The following RAB3C variants were observed in gnomAD, a reference collection of about 807,000 sequenced individuals.
RAB3C encodes the protein RAB3C, member RAS oncogene family, also known as ras-related protein Rab-3C.
A neutral mutation model predicts 26.4 loss-of-function variants in RAB3C; 17 were observed. The ratio of observed to expected loss-of-function variants is 0.64; its 90% CI spans 0.44 to 0.97. The LOEUF (loss-of-function observed/expected upper bound fraction) is 0.97, where lower values mean the gene tolerates loss of function less well. Ranked by LOEUF, RAB3C falls within the 50% of genes least tolerant of loss-of-function variation. The pLI is 0.00. For missense variants in RAB3C, 242 were observed against 281.9 expected, an observed-to-expected ratio of 0.86 and a Z score of 1.01; for synonymous variants, 91 against 95.9, an observed-to-expected ratio of 0.95 and a Z score of 0.30.
intron 1 of RAB3C, among the ~76,000 whole-genome samples, chr5:58,596,738 A>G (rs1746276021): frequency 4.0e-5 from 3 of 74,452 alleles, no homozygotes; most frequent in African/African-American, 5.6e-5. Flanking sequence ...CATAATATAT[A>G]AATATATAAT....
At chr5:58,756,397 T>C (rs1365020831) in intron 3 of RAB3C, among the ~76,000 whole-genome samples, 1 of 144,802 alleles carries the variant, frequency 6.9e-6, no homozygotes, top group African/African-American at 2.5e-5. Flanking sequence ...CATATATATA[T>C]ATATATATGT....
chr5:58,700,800 C>G lies in RAB3C; in HGVS notation c.253-25202C>G, dbSNP rs374430600. On this transcript the variant is annotated intron_variant, in intron 2 of 4. Transcript: ENST00000282878. ...GTTGGCTAGGAAATCGACTCGAGGT[C>G]TTGAACCATTTCACAATCATGCTAC... Among the ~76,000 whole-genome samples, 11 of 152,136 alleles carry G rather than the reference C, an allele frequency of 7.2e-5. No homozygotes were observed. In the South Asian group the frequency reaches 1.9e-3, roughly 26 times the overall value.
At chr5:58,827,195 A>G (rs1743502486) in intron 4 of RAB3C, among the ~76,000 whole-genome samples, 1 of 152,206 alleles carries the variant, frequency 6.6e-6, no homozygotes, top group Admixed American at 6.5e-5. Flanking sequence ...GGGAAATAAT[A>G]GATCCCCAAA....
chr5:58,827,434 G>A (rs914832122), intron 4 of RAB3C, among the ~76,000 whole-genome samples: 4 of 152,162 alleles, frequency 2.6e-5, no homozygotes, highest in Non-Finnish European at 2.9e-5. Context: ...ATACATAGGA[G>A]GCAGGCAACT....
intron 3 of RAB3C, among the ~76,000 whole-genome samples, chr5:58,807,210 A>C (rs1742961881): frequency 6.6e-6 from 1 of 152,212 alleles, no homozygotes; most frequent in African/African-American, 2.4e-5. Context: ...GCAGCATATC[A>C]GACAAAAAAA....
At chr5:58,634,825 G>A (rs2111755536) in intron 2 of RAB3C, among the ~76,000 whole-genome samples, 1 of 152,234 alleles carries the variant, frequency 6.6e-6, no homozygotes, top group South Asian at 2.1e-4. Flanking sequence ...CAAGTCAGTG[G>A]GGGAGAAAAG....
chr5:58,629,305 ATG>A (rs1195455364), intron 2 of RAB3C, among the ~76,000 whole-genome samples: 4 of 152,122 alleles, frequency 2.6e-5, no homozygotes, highest in African/African-American at 9.7e-5. Context: ...CCCCTGGGCT[ATG>A]TATAGCTGGA....
chr5:58,636,428 A>G (rs773979281), intron 2 of RAB3C, among the ~76,000 whole-genome samples: 63 of 152,182 alleles, frequency 4.1e-4, no homozygotes, highest in Non-Finnish European at 8.2e-4. Context: ...CTTTTGACTC[A>G]TGTCCTACTG....
At chr5:58,617,223 C>A (rs1250681287) in intron 1 of RAB3C, among the ~76,000 whole-genome samples, 1 of 152,062 alleles carries the variant, frequency 6.6e-6, no homozygotes, top group East Asian at 1.9e-4. Context: ...AAGAGAGATT[C>A]GAATCATTCA....
At chr5:58,677,999 T>TGC (rs1554047335) in intron 2 of RAB3C, among the ~76,000 whole-genome samples, 1 of 150,680 alleles carries the variant, frequency 6.6e-6, no homozygotes, top group Non-Finnish European at 1.5e-5. Context: ...TGTGTGTGTG[T>TGC]GTGCATGCGT....
intron 2 of RAB3C, among the ~76,000 whole-genome samples, chr5:58,701,108 G>A (rs564934803): frequency 1.1e-4 from 16 of 151,930 alleles, no homozygotes; most frequent in South Asian, 2.1e-4. Context: ...ACATTCTCCC[G>A]CCTCAGCCCC....
chr5:58,667,985 A>C (rs956928568), intron 2 of RAB3C, among the ~76,000 whole-genome samples: 2 of 152,198 alleles, frequency 1.3e-5, no homozygotes, highest in Admixed American at 1.3e-4. Context: ...CCAAAAACAA[A>C]GAAACAAACA....
chr5:58,604,712 C>G (rs930596080), intron 1 of RAB3C, among the ~76,000 whole-genome samples: 1 of 152,188 alleles, frequency 6.6e-6, no homozygotes, highest in Non-Finnish European at 1.5e-5. Context: ...GGCTTGAAAA[C>G]TTGCCCGAGG....
At chr5:58,636,561 C>T (rs984410902) in intron 2 of RAB3C, among the ~76,000 whole-genome samples, 1 of 152,168 alleles carries the variant, frequency 6.6e-6, no homozygotes, top group African/African-American at 2.4e-5. Flanking sequence ...ATATCCCAGT[C>T]CATCGTTTGG....
intron 2 of RAB3C, among the ~76,000 whole-genome samples, chr5:58,679,762 CAG>C (rs1289252019): frequency 2.0e-5 from 3 of 152,154 alleles, no homozygotes; most frequent in Non-Finnish European, 4.4e-5. Context: ...GAATCAGAAT[CAG>C]AGAATCCAAA....
chr5:58,803,793 G>C (rs1209861203), intron 3 of RAB3C, among the ~76,000 whole-genome samples: 1 of 152,194 alleles, frequency 6.6e-6, no homozygotes, highest in Non-Finnish European at 1.5e-5. Flanking sequence ...GGGCACAGTG[G>C]CTCATGCCTG....
At chr5:58,632,682 G>T (rs147804758) in intron 2 of RAB3C, among the ~76,000 whole-genome samples, 46 of 152,302 alleles carry the variant, frequency 3.0e-4, no homozygotes, top group African/African-American at 1.1e-3. Flanking sequence ...TGGACAGAGG[G>T]TATATGTGCC....
intron 1 of RAB3C, among the ~76,000 whole-genome samples, chr5:58,611,224 C>A (rs1746693814): frequency 6.7e-6 from 1 of 148,860 alleles, no homozygotes; most frequent in Admixed American, 6.8e-5. Context: ...AGAACAATGT[C>A]TGGTCCTTTG....
In RAB3C at chr5:58,845,995, G is replaced by T. The variant is rs77180225; in HGVS notation, c.497-5169G>T. 4.0e-3 allele frequency among the ~76,000 whole-genome samples: 614 copies of T among 152,018 alleles called. 7 individuals are homozygous for T. Among genetic ancestry groups the T allele is most frequent in the African/African-American group, 0.014 (587 of 41,448 alleles). On this transcript the variant is annotated intron_variant, in intron 4 of 4. Transcript: ENST00000282878. ...CTTTATGTCAGGCTTTTTTCACTTG[G>T]AATACTATTTTCACTGTTCATCCAT...
Sources: gnomAD v4.1 joint callset for allele counts (sites outside exome capture counted in the v4.1 genomes callset) on GRCh38, gnomAD v4.1.1 for gene constraint, MANE v1.5 for transcripts, NCBI Gene and HGNC (gene_info 2026-07-23, HGNC 2026-07-21) for gene names.